The following ADAM28 variants were observed in gnomAD, a reference collection of about 807,000 sequenced individuals.
ADAM28 encodes disintegrin and metalloproteinase domain-containing protein 28.
Under a neutral mutation model 101.2 loss-of-function variants are expected in ADAM28, and 105 were observed. The ratio of observed to expected loss-of-function variants is 1.04; its 90% CI spans 0.89 to 1.22. ADAM28 has a LOEUF of 1.22. Among genes scored for constraint, ADAM28 ranks in the 50% most tolerant of loss-of-function variants. The pLI, the probability that ADAM28 is intolerant of heterozygous loss-of-function variation, is 0.00. For missense variants in ADAM28, 1,028 were observed against 945.4 expected (o/e 1.09, Z -1.15); for synonymous variants, 322 against 310.6 (o/e 1.04, Z -0.39).
intron 15 of ADAM28, 121 bp from the exon 16 acceptor site, chr8:24,341,477 A>G (rs1482582486): frequency 1.4e-5 from 14 of 995,166 alleles, no homozygotes; most frequent in Admixed American, 2.4e-5. Flanking sequence ...AAATGAGTGT[A>G]AAGTACAACT....
intron 21 of ADAM28, 71 bp downstream of exon 21, chr8:24,352,123 C>T: frequency 7.9e-7 from 1 of 1,264,418 alleles, no homozygotes; most frequent in East Asian, 2.3e-5. Flanking sequence ...AGTCATAGCC[C>T]ACAACACTTC....
At chr8:24,319,730 G>C (rs6999677) in intron 6 of ADAM28, among the ~76,000 whole-genome samples, 14,417 of 151,428 alleles carry the variant, frequency 0.095, 1,389 homozygotes, top group African/African-American at 0.25. Context: ...TTTGAAACAT[G>C]GGAAGGAGAT....
chr8:24,327,152 G>A (rs113178377), intron 10 of ADAM28, among the ~76,000 whole-genome samples: 2,320 of 152,098 alleles, frequency 0.015, 57 homozygotes, highest in African/African-American at 0.053. Flanking sequence ...AAACCCCATC[G>A]TATCAGCCAA....
intron 13 of ADAM28, among the ~76,000 whole-genome samples, chr8:24,333,815 T>C (rs188822617): frequency 6.7e-4 from 102 of 152,336 alleles, no homozygotes; most frequent in African/African-American, 2.4e-3. Flanking sequence ...CCTTCAAGTT[T>C]AGTATTTAAC....
chr8:24,341,117 C>A (rs11995731), intron 15 of ADAM28: 11,621 of 152,516 alleles, frequency 0.076, 803 homozygotes, highest in African/African-American at 0.18. Flanking sequence ...CTGAAACAAG[C>A]TAGAAATTGA....
rs147481888 is a variant in ADAM28 at position 24,304,881 on chromosome 8, A to T, written c.150+4804A>T. On this transcript the variant is annotated intron_variant, in intron 2 of 22. Transcript: ENST00000265769. ...AGTGAGCTGAGATCACGTCATTTGC[A>T]CTCCAACCTGGGCAACAAGAGTGAA... is the stretch of plus-strand genomic sequence containing the variant. 7.0e-3 allele frequency among the ~76,000 whole-genome samples: 1,046 copies of T among 149,118 alleles called. 16 individuals carry two copies. The highest frequency in any genetic ancestry group is 0.025 in the African/African-American group (993 of 40,284).
At chr8:24,328,616 G>A (rs1438921131) in intron 10 of ADAM28, among the ~76,000 whole-genome samples, 3 of 151,928 alleles carry the variant, frequency 2.0e-5, no homozygotes, top group Non-Finnish European at 2.9e-5. Flanking sequence ...ACAGATGATC[G>A]TTGATGAATA....
rs1047744599 is a variant in ADAM28, at chr8:24,310,429, C to T, written c.306+188C>T. 1.5e-5 allele frequency: 8 copies of T among 533,328 alleles called. No homozygotes were observed. In the African/African-American group the frequency reaches 1.6e-4, roughly 10 times the overall value. 33.0% of individuals were successfully genotyped at this position (533,328 alleles called of 1,614,324 possible). On this transcript the variant is annotated intron_variant, in intron 4 of 22. Transcript: ENST00000265769. ...TCAATTAACAAGAACAAAACAATTT[C>T]TTGGCAACTCCGGTAAGTTTTTCCA...
intron 18 of ADAM28, among the ~76,000 whole-genome samples, chr8:24,345,733 A>G (rs931765874): frequency 1.3e-5 from 2 of 152,246 alleles, no homozygotes; most frequent in East Asian, 1.9e-4. Context: ...TTATCATCCA[A>G]TAAGGTTGAA....
At chr8:24,310,062 A>G in intron 3 of ADAM28, 92 bp downstream of exon 3, 1 of 1,501,686 alleles carries the variant, frequency 6.7e-7, no homozygotes, top group South Asian at 1.1e-5. Flanking sequence ...GGCTCACACA[A>G]ACCTGGACTA....
At chr8:24,352,197 C>CAAAATATTTTGAAA (rs1816241191) in intron 21 of ADAM28, 145 bp downstream of exon 21, 1 of 791,834 alleles carries the variant, frequency 1.3e-6, no homozygotes, top group Non-Finnish European at 2.0e-6. Context: ...AATTCTTCTG[C>CAAAATATTTTGAAA]AAAATATTTT....
intron 18 of ADAM28, among the ~76,000 whole-genome samples, chr8:24,348,205 T>G (rs1815643030): frequency 6.6e-6 from 1 of 152,176 alleles, no homozygotes; most frequent in Non-Finnish European, 1.5e-5. Context: ...ACTTCCCAAT[T>G]CATTTGCTTT....
chr8:24,321,285 A>C lies in ADAM28; in HGVS notation c.716A>C (p.Asn239Thr), dbSNP rs769499224. 2 of 1,599,686 alleles carry C rather than the reference A, an allele frequency of 1.3e-6. No homozygotes were observed. The highest frequency in any genetic ancestry group is 2.2e-5 in the South Asian group (2 of 90,800). Residue 239 changes from asparagine to threonine, a missense_variant, in exon 8 of 23, where the codon AAC (asparagine) becomes ACC (threonine). Asn to Thr is a moderately conservative substitution (Grantham distance 65). Transcript: ENST00000265769. ...GTATTTGAGATGGCTAATTATGTCA[A>C]CATGGTAAGACATATTTTATTACCT... Reference protein sequence around the residue: ...KRVFEMANYVNMLYKKLNTHV... With the variant: ...KRVFEMANYVTMLYKKLNTHV...
Position 24,357,290 on chromosome 8 carries a change from G to T in ADAM28, c.*2886G>T, listed in dbSNP as rs1019705745. The T allele has an allele frequency of 6.6e-6, 1 of 152,158 alleles. No individual in the cohort carries two copies. Among genetic ancestry groups the T allele is most frequent in the Non-Finnish European group, 1.5e-5 (1 of 68,018 alleles). 9.4% of individuals were successfully genotyped at this position (152,158 alleles called of 1,614,324 possible). A position where few individuals can be genotyped will look rare whatever the true frequency, so the allele number is the denominator to read the frequency against. On this transcript the variant is annotated 3_prime_UTR_variant, in exon 23 of 23. Transcript: ENST00000265769. ...ATGGTTTGGAGATATTTGTTATGCA[G>T]CAATAGATAGCTGATACAAGGAAGT...
At position 24,320,283 on chromosome 8, in the gene ADAM28, T is replaced by C; in HGVS notation, c.624T>C (p.Tyr208=). 1 of 1,603,762 alleles carries C rather than the reference T, an allele frequency of 6.2e-7. No individual in the cohort carries two copies. Among genetic ancestry groups the C allele is most frequent in the Non-Finnish European group, 8.5e-7 (1 of 1,172,454 alleles). The change falls in exon 7 of 23, where the codon TAT becomes TAC. Residue 208 remains tyrosine, a synonymous_variant. Transcript: ENST00000265769. ...KVQEHEKYIE[Y]YLVLDNGEFK... is the part of the protein sequence containing the mutation. ...AGGAACATGAGAAATACATAGAATA[T>C]TATTTGGTCCTGGATAATGGTGAGG... is the stretch of plus-strand genomic sequence containing the variant.
chr8:24,304,603 C>T (rs1300416262), intron 2 of ADAM28, among the ~76,000 whole-genome samples: 1 of 152,196 alleles, frequency 6.6e-6, no homozygotes, highest in South Asian at 2.1e-4. Context: ...CATTGGCTCA[C>T]ACCTGTAATC....
rs1232820775 is a variant in ADAM28 at position 24,355,786 on chromosome 8, A to G, written c.*1382A>G. On this transcript the variant is annotated 3_prime_UTR_variant, in exon 23 of 23. Coordinates refer to ENST00000265769, the MANE Select transcript of ADAM28 (RefSeq NM_014265.6). ...CTTGGTACTCCTTATTATATGAGCC[A>G]TACATTTTCCTTGTTGTTTAAGCCA... The G allele has an allele frequency of 6.6e-6, 1 of 152,146 alleles. No homozygotes were observed. The highest frequency in any genetic ancestry group is 1.5e-5 in the Non-Finnish European group (1 of 68,020). 9.4% of individuals were successfully genotyped at this position (152,146 alleles called of 1,614,324 possible). A position where few individuals can be genotyped will look rare whatever the true frequency, so the allele number is the denominator to read the frequency against.
chr8:24,295,206 G>A lies in ADAM28; in HGVS notation c.46+1011G>A, dbSNP rs75607927. Among the ~76,000 whole-genome samples, 9 of 152,030 alleles carry A rather than the reference G, an allele frequency of 5.9e-5. No homozygotes were observed. In the East Asian group the frequency reaches 7.7e-4, roughly 13 times the overall value. On this transcript the variant is annotated intron_variant, in intron 1 of 22. Transcript: ENST00000265769. The stretch of plus-strand genomic sequence containing the variant: ...ACTTAACCTAATATCTTTAAATATC[G>A]AATTATTTTCCTTTTGTTTCTGTGT...
At chr8:24,298,905 T>C (rs2129232265) in intron 1 of ADAM28, among the ~76,000 whole-genome samples, 1 of 152,168 alleles carries the variant, frequency 6.6e-6, no homozygotes, top group African/African-American at 2.4e-5. Flanking sequence ...CCAAAATGAC[T>C]TCTAGGCCAG....
Sources: allele counts gnomAD v4.1 joint callset (sites outside exome capture counted in the v4.1 genomes callset), GRCh38; gene constraint gnomAD v4.1.1; transcripts MANE v1.5; gene names NCBI Gene and HGNC (gene_info 2026-07-23, HGNC 2026-07-21).